Variants in DCAKD observed in about 807,000 individuals in gnomAD.
DCAKD encodes the protein dephospho-CoA kinase domain-containing protein.
Under a neutral mutation model 18.7 loss-of-function variants are expected in DCAKD, and 15 were observed. That is an observed-to-expected ratio of 0.80 (90% CI 0.54 to 1.24). The LOEUF is 1.24. Ranked by LOEUF, DCAKD falls within the 50% of genes most tolerant of loss-of-function variation. The pLI, the probability that DCAKD is intolerant of heterozygous loss-of-function variation, is 0.00. For synonymous variants in DCAKD, 130 were observed against 133.0 expected (o/e 0.98, Z 0.16); for missense variants, 301 against 322.0 (o/e 0.93, Z 0.50).
intron 3 of DCAKD, chr17:45,031,100 TGGCTGG>T (rs906890989): frequency 2.0e-6 from 2 of 985,290 alleles, no homozygotes; most frequent in African/African-American, 3.5e-5. Flanking sequence ...ACCCCTGGCC[TGGCTGG>T]GGCAGGAGAC....
intron 3 of DCAKD, among the ~76,000 whole-genome samples, chr17:45,033,549 C>T (rs2053218167): frequency 1.3e-5 from 2 of 152,154 alleles, no homozygotes; most frequent in African/African-American, 4.8e-5. Context: ...ACTGCAACCT[C>T]CACCTCCCAG....
intron 1 of DCAKD, among the ~76,000 whole-genome samples, chr17:45,044,689 CAATAAATAAATAAATAAATAAATAAATA>C (rs143312640): frequency 2.7e-5 from 4 of 147,316 alleles, no homozygotes; most frequent in East Asian, 2.0e-4. Flanking sequence ...GAGACTCCAT[CAATAAATAAATAAATAAATAAATAAATA>C]AATAAATAAA....
upstream of DCAKD, among the ~76,000 whole-genome samples, chr17:45,052,708 C>A (rs1230078624): frequency 1.6e-4 from 23 of 145,054 alleles, no homozygotes; most frequent in African/African-American, 3.8e-4. Context: ...AAAAAAAAAA[C>A]AAAAAACAAA....
At chr17:45,053,630 G>A (rs529874094), upstream of DCAKD, among the ~76,000 whole-genome samples, 2 of 152,214 alleles carry the variant, frequency 1.3e-5, no homozygotes, top group African/African-American at 2.4e-5. Flanking sequence ...CACGTTGGCC[G>A]GGCTGGTCTG....
upstream of DCAKD, chr17:45,054,112 A>T (rs4793172): frequency 0.64 from 331,974 of 518,468 alleles, 107,736 homozygotes; most frequent in African/African-American, 0.78. Flanking sequence ...ACCCAATAAA[A>T]AGGATTCCAT....
exon 1 of DCAKD, chr17:45,060,960 T>C: frequency 9.1e-6 from 9 of 987,012 alleles, no homozygotes; most frequent in Non-Finnish European, 1.1e-5. Flanking sequence ...AAGGGCAGGC[T>C]GAAATCAAAC....
chr17:45,056,558 C>T (rs951686095), upstream of DCAKD, among the ~76,000 whole-genome samples: 1 of 152,028 alleles, frequency 6.6e-6, no homozygotes. Flanking sequence ...ACTGCAACCT[C>T]CACTTCCCGG....
At chr17:45,032,059 C>T (rs1393271871) in intron 3 of DCAKD, 6 of 985,214 alleles carry the variant, frequency 6.1e-6, no homozygotes, top group Admixed American at 1.2e-4. Flanking sequence ...TGACATTATC[C>T]GATGTTTAAT....
chr17:45,052,933 G>A, upstream of DCAKD, among the ~76,000 whole-genome samples: 1 of 152,018 alleles, frequency 6.6e-6, no homozygotes, highest in Non-Finnish European at 1.5e-5. Flanking sequence ...GGAGGCCAAG[G>A]CGGGTGGATC....
At chr17:45,051,993 G>T (rs2053714824), upstream of DCAKD, among the ~76,000 whole-genome samples, 1 of 5,772 alleles carries the variant, frequency 1.7e-4, no homozygotes, top group South Asian at 2.9e-3. Context: ...GAGGTTGGGC[G>T]GGCGGGCGGA....
At chr17:45,060,840 C>A in intron 1 of DCAKD, 1 of 175,308 alleles carries the variant, frequency 5.7e-6, no homozygotes, top group Non-Finnish European at 1.1e-5. Context: ...CTGGGGCATT[C>A]CGGCTCCAGG....
chr17:45,043,935 GC>G (rs994759517), intron 1 of DCAKD, among the ~76,000 whole-genome samples: 26 of 152,182 alleles, frequency 1.7e-4, no homozygotes, highest in African/African-American at 6.3e-4. Context: ...CCCACAAGGA[GC>G]CCCCGGTGCA....
chr17:45,035,341 C>T (rs1031561352), intron 1 of DCAKD, among the ~76,000 whole-genome samples: 4 of 151,860 alleles, frequency 2.6e-5, no homozygotes, highest in South Asian at 2.1e-4. Flanking sequence ...ATTAGCTGGG[C>T]GTGGTGGCGT....
upstream of DCAKD, among the ~76,000 whole-genome samples, chr17:45,052,208 C>A (rs1024845321): frequency 5.3e-5 from 8 of 152,094 alleles, no homozygotes; most frequent in Admixed American, 4.6e-4. Flanking sequence ...TTCCCCGGAG[C>A]CGGGAAGGAG....
intron 4 of DCAKD, among the ~76,000 whole-genome samples, chr17:45,025,010 T>TTC (rs1491374973): frequency 5.1e-5 from 1 of 19,492 alleles, no homozygotes. Context: ...GCCACAGCTC[T>TTC]TTTTTTTTTT....
intron 1 of DCAKD, among the ~76,000 whole-genome samples, chr17:45,057,808 C>G (rs1224188437): frequency 6.8e-6 from 1 of 147,228 alleles, no homozygotes. Context: ...GTCAGGAGTT[C>G]GAGACCAGCC....
intron 3 of DCAKD, among the ~76,000 whole-genome samples, chr17:45,032,386 A>G (rs1035314196): frequency 1.3e-5 from 2 of 150,930 alleles, no homozygotes; most frequent in African/African-American, 4.9e-5. Flanking sequence ...CTGTCGAGTC[A>G]TCCCTCTTTT....
chr17:45,047,461 T>C (rs576884231), intron 1 of DCAKD, among the ~76,000 whole-genome samples: 1 of 151,612 alleles, frequency 6.6e-6, no homozygotes, highest in Non-Finnish European at 1.5e-5. Flanking sequence ...TTTTAAAAAT[T>C]TTTTGTAGAG....
intron 1 of DCAKD, among the ~76,000 whole-genome samples, chr17:45,046,739 G>C (rs1387446835): frequency 1.3e-5 from 2 of 151,646 alleles, no homozygotes; most frequent in South Asian, 4.1e-4. Flanking sequence ...CACAAAGGTA[G>C]AGTTTCAGCG....
Sources: gnomAD v4.1 joint callset for allele counts (sites outside exome capture counted in the v4.1 genomes callset) on GRCh38, gnomAD v4.1.1 for gene constraint, MANE v1.5 for transcripts, NCBI Gene and HGNC (gene_info 2026-07-23, HGNC 2026-07-21) for gene names.